ICOS: variants seen among roughly 807,000 people sequenced by gnomAD.
ICOS encodes inducible T cell costimulator.
Under a neutral mutation model 24.6 loss-of-function variants are expected in ICOS, and 15 were observed. The observed-to-expected ratio is 0.61, with a 90% CI of 0.41 to 0.94. The LOEUF (loss-of-function observed/expected upper bound fraction) is 0.94, where lower values mean the gene tolerates loss of function less well. Among genes scored for constraint, ICOS ranks in the 40% least tolerant of loss-of-function variants. ICOS has a pLI of 0.00. For synonymous variants in ICOS, 89 were observed against 77.5 expected (o/e 1.15, Z -0.78); for missense variants, 200 against 233.0 (o/e 0.86, Z 0.92).
chr2:203,941,636 A>C (rs1325637340), intron 1 of ICOS, among the ~76,000 whole-genome samples: 1 of 152,224 alleles, frequency 6.6e-6, no homozygotes, highest in Admixed American at 6.5e-5. Context: ...AGCTTGCAAT[A>C]ACTGAAGAAA....
chr2:203,956,125 GTGAT>G (rs1182040126), intron 2 of ICOS, among the ~76,000 whole-genome samples, 154 bp downstream of exon 2: 3 of 152,074 alleles, frequency 2.0e-5, no homozygotes, highest in Non-Finnish European at 4.4e-5. Flanking sequence ...AGATATACAG[GTGAT>G]GATTTACTAT....
intron 1 of ICOS, among the ~76,000 whole-genome samples, chr2:203,949,220 G>A (rs534747452): frequency 2.0e-5 from 3 of 152,312 alleles, no homozygotes; most frequent in East Asian, 1.9e-4. Flanking sequence ...ATAAAACAGA[G>A]GTGCTGGAAA....
intron 1 of ICOS, among the ~76,000 whole-genome samples, chr2:203,953,229 T>C (rs1251337024): frequency 1.3e-5 from 2 of 152,134 alleles, no homozygotes; most frequent in African/African-American, 4.8e-5. Flanking sequence ...AGTTGAGACA[T>C]AAAAACAAAA....
chr2:203,955,557 T>A, intron 1 of ICOS, 79 bp from the exon 2 acceptor site: 1 of 1,174,492 alleles, frequency 8.5e-7, no homozygotes, highest in Non-Finnish European at 1.3e-6. Flanking sequence ...TTGAATAAAT[T>A]GCTTTTATGT....
chr2:203,957,571 C>T lies in ICOS; in HGVS notation c.502-228C>T, dbSNP rs56236018. On this transcript the variant is annotated intron_variant, in intron 3 of 4. Transcript: ENST00000316386. Reference sequence around the variant, plus strand: ...AGATAGCGCCCATGGTCTAAGTCTGCTGGGAAAGAAACAATAAAGGCAAAA... The same window carrying T: ...AGATAGCGCCCATGGTCTAAGTCTGTTGGGAAAGAAACAATAAAGGCAAAA... 0.13 allele frequency among the ~76,000 whole-genome samples: 20,273 copies of T among 152,122 alleles called. 1,704 individuals are homozygous for T. Among genetic ancestry groups the T allele is most frequent in the African/African-American group, 0.24 (9,815 of 41,480 alleles).
At chr2:203,946,144 CA>C (rs1198157664) in intron 1 of ICOS, among the ~76,000 whole-genome samples, 1 of 152,164 alleles carries the variant, frequency 6.6e-6, no homozygotes, top group Non-Finnish European at 1.5e-5. Context: ...AAGTAACTAA[CA>C]AAATAACTTG....
At chr2:203,948,448 C>T (rs1213381911) in intron 1 of ICOS, among the ~76,000 whole-genome samples, 1 of 152,192 alleles carries the variant, frequency 6.6e-6, no homozygotes, top group East Asian at 1.9e-4. Context: ...TCCTGTGCTT[C>T]ATCTCCTCAG....
In ICOS at chr2:203,959,882, A is replaced by G; in HGVS notation, c.*283A>G. ...CTGGGAGTGGAATCCCTGTCTCCAC[A>G]TCTGCTCCTAGCAGTGCATCAGCCA... On this transcript the variant is annotated 3_prime_UTR_variant, in exon 5 of 5. Coordinates refer to ENST00000316386, the MANE Select transcript of ICOS (RefSeq NM_012092.4). 1 of 542,958 alleles carries G rather than the reference A, an allele frequency of 1.8e-6. No homozygotes were observed. Among genetic ancestry groups the G allele is most frequent in the Admixed American group, 3.1e-5 (1 of 32,756 alleles). 33.6% of individuals were successfully genotyped at this position (542,958 alleles called of 1,614,324 possible).
Position 203,960,957 on chromosome 2 carries a change from A to C in ICOS, c.*1358A>C, listed in dbSNP as rs1328426373. 2.0e-5 allele frequency: 3 copies of C among 152,234 alleles called. No individual in the cohort carries two copies. Among genetic ancestry groups the C allele is most frequent in the African/African-American group, 7.2e-5 (3 of 41,458 alleles). The allele number at this position is 152,234 out of a possible 1,614,324, so 9.4% of individuals were successfully genotyped here. A position where few individuals can be genotyped will look rare whatever the true frequency, so the allele number is the denominator to read the frequency against. On this transcript the variant is annotated 3_prime_UTR_variant, in exon 5 of 5. Coordinates refer to ENST00000316386, the MANE Select transcript of ICOS (RefSeq NM_012092.4). ...GCCTGGAAATTGGCCCTGGCCCTTC[A>C]AGATAGCCTTCTTTAGAATATGATT...
intron 1 of ICOS, among the ~76,000 whole-genome samples, chr2:203,942,464 C>T (rs1689795384): frequency 6.6e-6 from 1 of 152,168 alleles, no homozygotes; most frequent in African/African-American, 2.4e-5. Flanking sequence ...GGTACAATGA[C>T]AGCCCAGCTT....
chr2:203,958,214 TC>T (rs1690111706), intron 4 of ICOS, among the ~76,000 whole-genome samples: 1 of 152,190 alleles, frequency 6.6e-6, no homozygotes. Context: ...GTTCATTCAG[TC>T]ATTCAATGAG....
At chr2:203,943,581 T>C (rs562484385) in intron 1 of ICOS, among the ~76,000 whole-genome samples, 5 of 152,274 alleles carry the variant, frequency 3.3e-5, no homozygotes, top group African/African-American at 1.2e-4. Context: ...ATGGACTCCA[T>C]GAGGGCCTTT....
At chr2:203,949,395 C>T (rs542523589) in intron 1 of ICOS, among the ~76,000 whole-genome samples, 1 of 152,140 alleles carries the variant, frequency 6.6e-6, no homozygotes, top group African/African-American at 2.4e-5. Flanking sequence ...TTCATGCACC[C>T]AGGAAGCTGT....
chr2:203,954,231 A>T (rs568345645), intron 1 of ICOS, among the ~76,000 whole-genome samples: 1 of 152,310 alleles, frequency 6.6e-6, no homozygotes, highest in African/African-American at 2.4e-5. Context: ...TCCTTCTGTG[A>T]TTCCCATGTA....
At position 203,955,621 on chromosome 2, in the gene ICOS, T is replaced by C; in HGVS notation, c.59-15T>C. Reference sequence around the variant, plus strand: ...AAAATGTCACTTTTGCTTTGTTTTCTTTCTTTTTATGCAGGAGAAATCAAT... The same window carrying C: ...AAAATGTCACTTTTGCTTTGTTTTCCTTCTTTTTATGCAGGAGAAATCAAT... On this transcript the variant is annotated splice_polypyrimidine_tract_variant and intron_variant, in intron 1 of 4. Transcript: ENST00000316386. 2 of 1,598,390 alleles carry C rather than the reference T, an allele frequency of 1.3e-6. No homozygotes were observed. Among genetic ancestry groups the C allele is most frequent in the Non-Finnish European group, 1.7e-6 (2 of 1,165,966 alleles).
intron 1 of ICOS, among the ~76,000 whole-genome samples, chr2:203,943,325 A>AT (rs71007563): frequency 0.65 from 96,822 of 149,484 alleles, 33,847 homozygotes; most frequent in Non-Finnish European, 0.78. Context: ...TGTTCTTCAG[A>AT]TTTTTTTTTT....
At chr2:203,957,740 A>G (rs1256274135) in intron 3 of ICOS, 59 bp from the exon 4 acceptor site, 3 of 1,302,748 alleles carry the variant, frequency 2.3e-6, no homozygotes, top group Non-Finnish European at 3.3e-6. Context: ...AAAACAGTCA[A>G]AAAACAAAGA....
chr2:203,943,743 G>T (rs1689819475), intron 1 of ICOS, among the ~76,000 whole-genome samples: 1 of 152,120 alleles, frequency 6.6e-6, no homozygotes, highest in Non-Finnish European at 1.5e-5. Context: ...TTTGTGTTCT[G>T]CTAACCAGGG....
intron 1 of ICOS, among the ~76,000 whole-genome samples, chr2:203,949,093 A>G (rs570016151): frequency 6.6e-6 from 1 of 152,356 alleles, no homozygotes; most frequent in South Asian, 2.1e-4. Flanking sequence ...TCTGTGGAGA[A>G]TGGATTGTAA....
Sources: gnomAD v4.1 joint callset for allele counts (sites outside exome capture counted in the v4.1 genomes callset) on GRCh38, gnomAD v4.1.1 for gene constraint, MANE v1.5 for transcripts, NCBI Gene and HGNC (gene_info 2026-07-23, HGNC 2026-07-21) for gene names.